The following CNTNAP5 variants were observed in gnomAD, a reference collection of about 807,000 sequenced individuals.
The protein encoded by CNTNAP5 is contactin associated protein family member 5.
In CNTNAP5, 72 loss-of-function variants were observed where a neutral mutation model predicts 150.2. The observed-to-expected ratio is 0.48, with a 90% CI of 0.40 to 0.58. The LOEUF is 0.58. CNTNAP5 is among the 20% of genes least tolerant of loss of function. The pLI is 0.00. For missense variants in CNTNAP5, 1,636 were observed against 1,626.2 expected (o/e 1.01, Z -0.10); for synonymous variants, 672 against 619.8 (o/e 1.08, Z -1.25).
At chr2:124,904,836 A>C (rs1678497571) in intron 22 of CNTNAP5, among the ~76,000 whole-genome samples, 1 of 151,936 alleles carries the variant, frequency 6.6e-6, no homozygotes, top group African/African-American at 2.4e-5. Context: ...ATATGTTTAC[A>C]TGACACCAAA....
At chr2:124,265,991 G>A in intron 3 of CNTNAP5, among the ~76,000 whole-genome samples, 1 of 152,122 alleles carries the variant, frequency 6.6e-6, no homozygotes, top group Middle Eastern at 3.2e-3. Flanking sequence ...CAAAGCTTAT[G>A]AATTCAGCCT....
chr2:124,747,513 T>C (rs1280005319), intron 14 of CNTNAP5, 128 bp downstream of exon 14: 1 of 1,129,788 alleles, frequency 8.9e-7, no homozygotes, highest in African/African-American at 1.6e-5. Context: ...TGGTGACTTT[T>C]GTTTTTTAAC....
At chr2:124,466,959 G>T (rs1253285385) in intron 6 of CNTNAP5, among the ~76,000 whole-genome samples, 1 of 152,108 alleles carries the variant, frequency 6.6e-6, no homozygotes, top group Admixed American at 6.6e-5. Flanking sequence ...ATTAAAAACA[G>T]GTTTGAAATG....
intron 17 of CNTNAP5, among the ~76,000 whole-genome samples, chr2:124,782,162 T>C (rs1366813908): frequency 6.6e-6 from 1 of 152,206 alleles, no homozygotes; most frequent in Non-Finnish European, 1.5e-5. Flanking sequence ...GATTCCATCA[T>C]TTTTTATCCT....
In CNTNAP5 at chr2:124,677,109, C is replaced by G. The variant is rs960446430; in HGVS notation, c.2077+29151C>G. 2.0e-5 allele frequency among the ~76,000 whole-genome samples: 3 copies of G among 152,222 alleles called. No homozygotes were observed. In the East Asian group the frequency reaches 5.8e-4, roughly 29 times the overall value. ...GTTATAGTTCTTAAAGATGGTGTGTCCTGAGTTCGTTCCTTCAGATGTTCA... is the reference window on the plus strand; with the variant it reads ...GTTATAGTTCTTAAAGATGGTGTGTGCTGAGTTCGTTCCTTCAGATGTTCA... On this transcript the variant is annotated intron_variant, in intron 13 of 23. Transcript: ENST00000682447.
intron 3 of CNTNAP5, among the ~76,000 whole-genome samples, chr2:124,376,887 A>C (rs924017640): frequency 5.9e-5 from 9 of 152,022 alleles, no homozygotes; most frequent in African/African-American, 2.2e-4. Context: ...AGTACTGGGG[A>C]ATGCACTATT....
In CNTNAP5 at chr2:124,281,705, G is replaced by C. The variant is rs925861517; in HGVS notation, c.381+39312G>C. Among the ~76,000 whole-genome samples, 14 of 152,158 alleles carry C rather than the reference G, an allele frequency of 9.2e-5. 1 individual carries two copies. The highest frequency in any genetic ancestry group is 6.2e-4 in the South Asian group (3 of 4,832). Reference sequence around the variant, plus strand: ...CCAATTAGGTAAGAACAGGAGAAATGAGCTTTTGCTTGCTTTTTTCTGCAG... The same window carrying C: ...CCAATTAGGTAAGAACAGGAGAAATCAGCTTTTGCTTGCTTTTTTCTGCAG... On this transcript the variant is annotated intron_variant, in intron 3 of 23. Transcript: ENST00000682447.
intron 1 of CNTNAP5, among the ~76,000 whole-genome samples, chr2:124,054,356 T>C (rs1428654928): frequency 6.6e-6 from 1 of 152,138 alleles, no homozygotes; most frequent in African/African-American, 2.4e-5. Flanking sequence ...GTGTTAAAAA[T>C]GTATTTTTTA....
At chr2:124,300,034 G>A (rs1036988447) in intron 3 of CNTNAP5, among the ~76,000 whole-genome samples, 17 of 152,164 alleles carry the variant, frequency 1.1e-4, no homozygotes, top group African/African-American at 4.1e-4. Context: ...GTAATATTTG[G>A]TGAGGATTAA....
At chr2:124,659,646 C>T (rs1678542858) in intron 13 of CNTNAP5, among the ~76,000 whole-genome samples, 1 of 152,160 alleles carries the variant, frequency 6.6e-6, no homozygotes, top group Non-Finnish European at 1.5e-5. Context: ...AAATAGTTAA[C>T]ATGTTGACCT....
intron 3 of CNTNAP5, among the ~76,000 whole-genome samples, chr2:124,322,374 G>A (rs1689122639): frequency 6.6e-6 from 1 of 152,050 alleles, no homozygotes; most frequent in African/African-American, 2.4e-5. Context: ...CAGAAACCAG[G>A]CAAGTCATTT....
intron 11 of CNTNAP5, among the ~76,000 whole-genome samples, chr2:124,594,588 T>A (rs1470932519): frequency 4.9e-4 from 67 of 137,488 alleles, no homozygotes; most frequent in African/African-American, 1.7e-3. Context: ...CCAGCTTTGT[T>A]CTTTTGGCTT....
intron 11 of CNTNAP5, among the ~76,000 whole-genome samples, chr2:124,598,739 C>T (rs1696897654): frequency 6.6e-6 from 1 of 152,190 alleles, no homozygotes; most frequent in South Asian, 2.1e-4. Flanking sequence ...GCCCCTCCCC[C>T]AGCCTCGCTG....
At chr2:124,335,259 G>A (rs902915600) in intron 3 of CNTNAP5, among the ~76,000 whole-genome samples, 1 of 151,912 alleles carries the variant, frequency 6.6e-6, no homozygotes, top group Non-Finnish European at 1.5e-5. Flanking sequence ...AGGCCCTTAG[G>A]GATGGGACTT....
intron 1 of CNTNAP5, among the ~76,000 whole-genome samples, chr2:124,197,937 C>T (rs892463547): frequency 2.4e-4 from 37 of 151,096 alleles, no homozygotes; most frequent in Middle Eastern, 3.4e-3. Context: ...GCTGAGATCG[C>T]GCCACTGCAC....
At chr2:124,240,454 G>A (rs1686856688) in intron 2 of CNTNAP5, among the ~76,000 whole-genome samples, 1 of 152,086 alleles carries the variant, frequency 6.6e-6, no homozygotes, top group Admixed American at 6.6e-5. Context: ...AACCATGAAA[G>A]TATGGAAAGC....
intron 13 of CNTNAP5, among the ~76,000 whole-genome samples, chr2:124,716,081 C>G (rs1389990763): frequency 6.6e-6 from 1 of 152,098 alleles, no homozygotes; most frequent in Non-Finnish European, 1.5e-5. Context: ...TATTTCTTAA[C>G]TTTTTAAAGC....
intron 14 of CNTNAP5, among the ~76,000 whole-genome samples, chr2:124,758,006 C>G (rs1009078148): frequency 2.6e-5 from 4 of 152,030 alleles, no homozygotes; most frequent in Non-Finnish European, 5.9e-5. Flanking sequence ...ATTATGTAAA[C>G]ATGTTTCTTG....
intron 13 of CNTNAP5, among the ~76,000 whole-genome samples, chr2:124,663,942 G>A (rs1282564388): frequency 6.6e-6 from 1 of 152,080 alleles, no homozygotes; most frequent in Non-Finnish European, 1.5e-5. Flanking sequence ...TTCTTTGGTG[G>A]TAAAATTGAA....
Sources: allele counts gnomAD v4.1 joint callset (sites outside exome capture counted in the v4.1 genomes callset), GRCh38; gene constraint gnomAD v4.1.1; transcripts MANE v1.5; gene names NCBI Gene and HGNC (gene_info 2026-07-23, HGNC 2026-07-21).